LTK: variants seen among roughly 807,000 people sequenced by gnomAD.
The protein encoded by LTK is leukocyte tyrosine kinase receptor.
A neutral mutation model predicts 101.5 loss-of-function variants in LTK; 117 were observed. The ratio of observed to expected loss-of-function variants is 1.15; its 90% CI spans 0.99 to 1.34. The LOEUF (loss-of-function observed/expected upper bound fraction) is 1.34. Ranked by LOEUF, LTK falls within the 40% of genes most tolerant of loss-of-function variation. The pLI is 0.00. For synonymous variants in LTK, 563 were observed against 494.2 expected (o/e 1.14, Z -1.85); for missense variants, 1,252 against 1,164.7 (o/e 1.07, Z -1.09).
intron 11 of LTK, among the ~76,000 whole-genome samples, chr15:41,506,564 C>A (rs316620): frequency 3.8e-4 from 57 of 151,654 alleles, no homozygotes; most frequent in South Asian, 2.1e-3. Context: ...CTTGGCCTCC[C>A]AAAGTGCTGA....
At chr15:41,508,593 A>G (rs1486241782) in intron 8 of LTK, among the ~76,000 whole-genome samples, 3 of 149,486 alleles carry the variant, frequency 2.0e-5, no homozygotes, top group Non-Finnish European at 4.5e-5. Flanking sequence ...ATAAATAAAT[A>G]AATAAATAAA....
At chr15:41,504,308 A>C (rs1169939068) in intron 19 of LTK, 34 bp downstream of exon 19, 1 of 1,612,912 alleles carries the variant, frequency 6.2e-7, no homozygotes, top group Non-Finnish European at 8.5e-7. Flanking sequence ...CCTGACCCAC[A>C]AGACCAGGAT....
intron 16 of LTK, 32 bp downstream of exon 16, chr15:41,504,940 G>A (rs555023478): frequency 1.3e-6 from 2 of 1,599,494 alleles, no homozygotes; most frequent in Admixed American, 3.4e-5. Flanking sequence ...CCCCCTTGGA[G>A]CAAGAGCCTT....
At position 41,511,693 on chromosome 15, in the gene LTK, CCCAGGCCAGCCCAGCCCA is replaced by C; in HGVS notation, c.657+106_658-116del. ...ATAAGGGCAGGGGCCCCCAGCCCAGCCCAGGCCAGCCCAGCCCAGCGCAGGGATAGGGGGACCCCAAGG... is the reference window on the plus strand; with the variant it reads ...ATAAGGGCAGGGGCCCCCAGCCCAGCGCGCAGGGATAGGGGGACCCCAAGG... On this transcript the variant is annotated intron_variant, in intron 5 of 19. Coordinates refer to ENST00000263800, the MANE Select transcript of LTK (RefSeq NM_002344.6). The surrounding 1 kb of genome is among the most constrained non-coding windows in gnomAD (Gnocchi z 5.9). The C allele has an allele frequency of 7.2e-7, 1 of 1,397,090 alleles. No homozygotes were observed. The highest frequency in any genetic ancestry group is 9.3e-7 in the Non-Finnish European group (1 of 1,076,396). The allele number at this position is 1,397,090 out of a possible 1,614,324, so 86.5% of individuals were successfully genotyped here.
At position 41,505,241 on chromosome 15, in the gene LTK, C is replaced by A; in HGVS notation, c.1892G>T (p.Cys631Phe). The A allele has an allele frequency of 6.2e-7, 1 of 1,614,084 alleles. No homozygotes were observed. Residue 631 changes from cysteine to phenylalanine, a missense_variant, in exon 15 of 20, where the codon TGC becomes TTC. Cys to Phe is a radical substitution (Grantham distance 205). Coordinates refer to ENST00000263800, the MANE Select transcript of LTK (RefSeq NM_002344.6). ...GAAGTGATTTTCCTCCAGGTAGTGGCAGCCCTGGGCTATGTCCTGGGCCAG... is the reference window on the plus strand; with the variant it reads ...GAAGTGATTTTCCTCCAGGTAGTGGAAGCCCTGGGCTATGTCCTGGGCCAG... ...LQLAQDIAQG[C>F]HYLEENHFIH...
At chr15:41,509,874 A>G (rs547242153) in intron 7 of LTK, among the ~76,000 whole-genome samples, 2 of 152,226 alleles carry the variant, frequency 1.3e-5, no homozygotes, top group African/African-American at 4.8e-5. Flanking sequence ...AAAAATTCAT[A>G]TATTTATTGT....
chr15:41,512,763 G>T lies in LTK; in HGVS notation c.303C>A (p.Ala101=), dbSNP rs941102690. 6.2e-6 allele frequency: 10 copies of T among 1,609,856 alleles called. No individual in the cohort carries two copies. In the African/African-American group the frequency reaches 1.2e-4, roughly 19 times the overall value. Residue 101 remains alanine, a synonymous_variant, in exon 3 of 20, where the codon GCC becomes GCA. Transcript: ENST00000263800. ...GCTGCACGCCTCTCAGCTGCCCGGC[G>T]GCCCCCACGGTCACCACCACGCTGG... The part of the protein sequence containing the change: ...AGTSVVVTVG[A]AGQLRGVQLW...
chr15:41,512,892 G>A lies in LTK; in HGVS notation c.188-14C>T, dbSNP rs1460805885. On this transcript the variant is annotated splice_polypyrimidine_tract_variant and intron_variant, in intron 2 of 19. Transcript: ENST00000263800. ...ACCCCTCGGTGCCTGAGAGCAAGGA[G>A]CGAGGCAAGGGTCGTCGAGCCCCTG... 2 of 1,608,862 alleles carry A rather than the reference G, an allele frequency of 1.2e-6. No individual in the cohort carries two copies. Among genetic ancestry groups the A allele is most frequent in the African/African-American group, 1.3e-5 (1 of 74,948 alleles).
chr15:41,511,960 T>C lies in LTK; in HGVS notation c.514A>G (p.Ser172Gly), dbSNP rs1381472682. ...QQGEDACPGGSPESQLVCLGE... is the reference protein window; with the variant it reads ...QQGEDACPGGGPESQLVCLGE... ...AGGCAGACGAGCTGGCTCTCCGGGC[T>C]ACCCTGCGGGCAGCGGGGGAGGGAA... is the stretch of plus-strand genomic sequence containing the variant. The change falls in exon 5 of 20, where the codon AGC becomes GGC. Residue 172 changes from serine (S) to glycine (G), a missense_variant. Coordinates refer to ENST00000263800, the MANE Select transcript of LTK (RefSeq NM_002344.6). This position sits in a 1 kb window ranked among gnomAD's most constrained non-coding sequence, Gnocchi z 5.9. The C allele has an allele frequency of 3.4e-6, 5 of 1,479,244 alleles. No individual in the cohort carries two copies. The highest frequency in any genetic ancestry group is 4.4e-6 in the Non-Finnish European group (5 of 1,127,558). 91.6% of individuals were successfully genotyped at this position (1,479,244 alleles called of 1,614,324 possible).
Position 41,511,462 on chromosome 15 carries a change from G to A in LTK, c.774C>T (p.Arg258=). 6.9e-7 allele frequency: 1 copy of A among 1,443,996 alleles called. No individual in the cohort carries two copies. Among genetic ancestry groups the A allele is most frequent in the Non-Finnish European group, 9.1e-7 (1 of 1,104,888 alleles). 89.4% of individuals were successfully genotyped at this position (1,443,996 alleles called of 1,614,324 possible). ...TQASPEKLEN[R]SEAPGSGGRG... is the part of the protein sequence containing the mutation. ...TCCCGCCGCTCCCGGGCGCCTCCGAGCGGTTCTCCAGTTTCTCGGGGGAGG... is the reference window on the plus strand; with the variant it reads ...TCCCGCCGCTCCCGGGCGCCTCCGAACGGTTCTCCAGTTTCTCGGGGGAGG... The change falls in exon 6 of 20, where the codon CGC becomes CGT. Residue 258 remains arginine, a synonymous_variant. Transcript: ENST00000263800. The surrounding 1 kb of genome is among the most constrained non-coding windows in gnomAD (Gnocchi z 5.9).
chr15:41,512,588 T>A, intron 3 of LTK, 119 bp downstream of exon 3: 1 of 1,295,710 alleles, frequency 7.7e-7, no homozygotes, highest in South Asian at 1.6e-5. Context: ...GCACTCAAGG[T>A]GGACCTCCCC....
rs747629440 is a variant in LTK, at chr15:41,511,597, G to A, written c.658-19C>T. ...CGCGCACCTGTGGGGCCAGCGGCGT[G>A]TTCCAGGAAGCGCCCTCCAGCTGTC... On this transcript the variant is annotated intron_variant, in intron 5 of 19. Transcript: ENST00000263800. The surrounding 1 kb of genome is among the most constrained non-coding windows in gnomAD (Gnocchi z 5.9). 23 of 1,432,640 alleles carry A rather than the reference G, an allele frequency of 1.6e-5. No homozygotes were observed. Among genetic ancestry groups the A allele is most frequent in the African/African-American group, 1.5e-4 (10 of 66,888 alleles). 88.7% of individuals were successfully genotyped at this position (1,432,640 alleles called of 1,614,324 possible). A position where few individuals can be genotyped will look rare whatever the true frequency, so the allele number is the denominator to read the frequency against.
At position 41,511,925 on chromosome 15, in the gene LTK, A is replaced by AGACTCCCCGAGGCAGACGAGCT. The variant is rs1408736662; in HGVS notation, c.527_548dup (p.Arg184AlafsTer11). On this transcript the variant is annotated frameshift_variant, in exon 5 of 20. Coordinates refer to ENST00000263800, the MANE Select transcript of LTK (RefSeq NM_002344.6). LOFTEE classifies it high-confidence loss of function. The surrounding 1 kb of genome is among the most constrained non-coding windows in gnomAD (Gnocchi z 5.9). ...TCGCCGCGTGCTCTTCAACGGCTCG[A>AGACTCCCCGAGGCAGACGAGCT]GACTCCCCGAGGCAGACGAGCTGGC... The AGACTCCCCGAGGCAGACGAGCT allele has an allele frequency of 5.3e-6, 8 of 1,499,070 alleles. No homozygotes were observed. Among genetic ancestry groups the AGACTCCCCGAGGCAGACGAGCT allele is most frequent in the Non-Finnish European group, 7.0e-6 (8 of 1,139,788 alleles). 92.9% of individuals were successfully genotyped at this position (1,499,070 alleles called of 1,614,324 possible).
chr15:41,512,902 G>T, intron 2 of LTK, 24 bp from the exon 3 acceptor site: 2 of 1,607,960 alleles, frequency 1.2e-6, no homozygotes, highest in Non-Finnish European at 1.7e-6. Flanking sequence ...GCGAGGCAAG[G>T]GTCGTCGAGC....
chr15:41,513,673 C>G lies in LTK; in HGVS notation c.37G>C (p.Ala13Pro). The G allele has an allele frequency of 1.2e-6, 2 of 1,612,960 alleles. No homozygotes were observed. Among genetic ancestry groups the G allele is most frequent in the Non-Finnish European group, 1.7e-6 (2 of 1,179,650 alleles). The change falls in exon 1 of 20, where the codon GCC (alanine) becomes CCC (proline). Residue 13 changes from alanine (A) to proline (P), a missense_variant. Coordinates refer to ENST00000263800, the MANE Select transcript of LTK (RefSeq NM_002344.6). ...CWGQLLVWFG[A>P]AGAILCSSPG... The stretch of plus-strand genomic sequence containing the variant: ...ACCGCCAGATAGCACTTACCCGCGG[C>G]TCCGAACCACACCAGCAGCTGTCCC...
Position 41,503,989 on chromosome 15 carries a change from T to G in LTK, c.*7A>C, listed in dbSNP as rs778002805. On this transcript the variant is annotated 3_prime_UTR_variant, in exon 20 of 20. Coordinates refer to ENST00000263800, the MANE Select transcript of LTK (RefSeq NM_002344.6). ...CCTCAGTCCTTACCCTCAGGGCCCC[T>G]TGGGGCTCAGGAGCGATAAGTGGGA... 6.3e-6 allele frequency: 10 copies of G among 1,591,680 alleles called. No individual in the cohort carries two copies. Among genetic ancestry groups the G allele is most frequent in the South Asian group, 1.1e-5 (1 of 88,510 alleles).
Position 41,504,332 on chromosome 15 carries a change from G to C in LTK, c.2346+10C>G. On this transcript the variant is annotated intron_variant, in intron 19 of 19. Transcript: ENST00000263800. ...CAAGACCAGGATGTTAGATTAGGTC[G>C]GGGGCACACCTGAGTGCAGTACTGC... The C allele has an allele frequency of 1.2e-6, 2 of 1,613,900 alleles. No homozygotes were observed. The highest frequency in any genetic ancestry group is 1.7e-6 in the Non-Finnish European group (2 of 1,179,894).
chr15:41,505,087 C>A (rs1397412622), intron 15 of LTK, 23 bp from the exon 16 acceptor site: 4 of 1,597,286 alleles, frequency 2.5e-6, no homozygotes, highest in Non-Finnish European at 3.4e-6. Context: ...CAAAAAAAAT[C>A]ACTGCCAGAA....
chr15:41,511,962 C>T lies in LTK; in HGVS notation c.512G>A (p.Gly171Asp). ...GQQGEDACPGGSPESQLVCLG... is the reference protein window; with the variant it reads ...GQQGEDACPGDSPESQLVCLG... ...GCAGACGAGCTGGCTCTCCGGGCTA[C>T]CCTGCGGGCAGCGGGGGAGGGAATC... Residue 171 changes from glycine (G) to aspartate (D), a missense_variant and splice_region_variant, in exon 5 of 20, where the codon GGT (glycine) becomes GAT (aspartate). Gly to Asp is a moderately conservative substitution (Grantham distance 94). Coordinates refer to ENST00000263800, the MANE Select transcript of LTK (RefSeq NM_002344.6). The surrounding 1 kb of genome is among the most constrained non-coding windows in gnomAD (Gnocchi z 5.9). 6.8e-7 allele frequency: 1 copy of T among 1,481,024 alleles called. No homozygotes were observed. 91.7% of individuals were successfully genotyped at this position (1,481,024 alleles called of 1,614,324 possible). A position where few individuals can be genotyped will look rare whatever the true frequency, so the allele number is the denominator to read the frequency against.
Sources: gnomAD v4.1 joint callset for allele counts (sites outside exome capture counted in the v4.1 genomes callset) on GRCh38, gnomAD v4.1.1 for gene constraint, Gnocchi (gnomAD v3.1) non-coding constraint, MANE v1.5 for transcripts, NCBI Gene and HGNC (gene_info 2026-07-23, HGNC 2026-07-21) for gene names.